CTNNA3: variants seen among roughly 807,000 people sequenced by gnomAD.
CTNNA3 encodes the protein catenin alpha 3, also known as catenin alpha-3.
In CTNNA3, 76 loss-of-function variants were observed where a neutral mutation model predicts 95.7. That is an observed-to-expected ratio of 0.79 (90% CI 0.66 to 0.96). CTNNA3 has a LOEUF of 0.96. CTNNA3 is among the 40% of genes least tolerant of loss of function. The pLI is 0.00. For synonymous variants in CTNNA3, 431 were observed against 374.4 expected (o/e 1.15, Z -1.74); for missense variants, 1,191 against 1,089.8 (o/e 1.09, Z -1.31).
intron 9 of CTNNA3, 137 bp from the exon 10 acceptor site, chr10:66,621,921 T>C (rs1341735576): frequency 1.9e-6 from 1 of 522,776 alleles, no homozygotes. Context: ...ATCACTGGTA[T>C]CTATTTTATG....
chr10:66,085,603 G>C (rs2080952558), intron 14 of CTNNA3, among the ~76,000 whole-genome samples: 1 of 152,042 alleles, frequency 6.6e-6, no homozygotes, highest in African/African-American at 2.4e-5. Flanking sequence ...TCACCAGAGA[G>C]TCACAATGTT....
intron 5 of CTNNA3, among the ~76,000 whole-genome samples, chr10:67,256,247 T>G (rs1866344774): frequency 6.6e-6 from 1 of 152,190 alleles, no homozygotes; most frequent in Non-Finnish European, 1.5e-5. Flanking sequence ...TTTTTCTAAC[T>G]GCATTGATTG....
At chr10:67,517,439 T>A (rs1483359014) in intron 5 of CTNNA3, among the ~76,000 whole-genome samples, 1 of 152,156 alleles carries the variant, frequency 6.6e-6, no homozygotes, top group African/African-American at 2.4e-5. Flanking sequence ...AATTCAATTT[T>A]TATCCTACAA....
Position 67,744,863 on chromosome 10 carries a change from T to G in CTNNA3, c.-2+18571A>C, listed in dbSNP as rs188081460. Reference sequence around the variant, plus strand: ...CGAAGGATATGAACATGAACAGACATTTCTCAAAAGAAGACATTTATGCAG... The same window carrying G: ...CGAAGGATATGAACATGAACAGACAGTTCTCAAAAGAAGACATTTATGCAG... On this transcript the variant is annotated intron_variant, in intron 1 of 17. Coordinates refer to the CTNNA3 transcript ENST00000684154. Among the ~76,000 whole-genome samples the G allele has an allele frequency of 2.1e-3, 314 of 152,030 alleles. 1 individual carries two copies. Among genetic ancestry groups the G allele is most frequent in the African/African-American group, 7.3e-3 (301 of 41,506 alleles).
chr10:66,537,914 T>C (rs549361541), intron 10 of CTNNA3, among the ~76,000 whole-genome samples: 1 of 152,252 alleles, frequency 6.6e-6, no homozygotes, highest in African/African-American at 2.4e-5. Flanking sequence ...TTAAGAACTT[T>C]TACTATATTG....
chr10:66,003,310 C>CGGTGGTGGT (rs1003593936), intron 15 of CTNNA3, among the ~76,000 whole-genome samples: 1 of 148,044 alleles, frequency 6.8e-6, no homozygotes, highest in African/African-American at 2.5e-5. Context: ...CTGCTGGTGG[C>CGGTGGTGGT]GGTGGTGGTG....
At chr10:67,574,340 C>T (rs1302511912) in intron 3 of CTNNA3, among the ~76,000 whole-genome samples, 1 of 152,072 alleles carries the variant, frequency 6.6e-6, no homozygotes, top group Admixed American at 6.6e-5. Flanking sequence ...TGTTCCCCTA[C>T]CTCTGTGTCC....
In CTNNA3 at chr10:66,119,421, T is replaced by C. The variant is rs1030499166; in HGVS notation, c.1885-16172A>G. On this transcript the variant is annotated intron_variant, in intron 13 of 17. Coordinates refer to ENST00000433211, the MANE Select transcript of CTNNA3 (RefSeq NM_013266.4). ...CTGTTCCTATTACTCTCTCTCACTCTAATGTTTACAAATTGTTATAGCTTA... is the reference window on the plus strand; with the variant it reads ...CTGTTCCTATTACTCTCTCTCACTCCAATGTTTACAAATTGTTATAGCTTA... Among the ~76,000 whole-genome samples the C allele has an allele frequency of 1.8e-4, 28 of 152,194 alleles. 1 individual carries two copies. Among genetic ancestry groups the C allele is most frequent in the Non-Finnish European group, 2.9e-5 (2 of 68,004 alleles).
At chr10:66,722,091 G>A (rs980628915) in intron 9 of CTNNA3, among the ~76,000 whole-genome samples, 1 of 152,094 alleles carries the variant, frequency 6.6e-6, no homozygotes, top group Non-Finnish European at 1.5e-5. Context: ...CAATTAAAAT[G>A]CTAAAGGCCG....
chr10:66,189,775 T>C (rs894868181), intron 13 of CTNNA3, among the ~76,000 whole-genome samples: 1 of 151,770 alleles, frequency 6.6e-6, no homozygotes, highest in African/African-American at 2.4e-5. Flanking sequence ...ACCTTTATTT[T>C]CCGTATGAAT....
intron 6 of CTNNA3, among the ~76,000 whole-genome samples, chr10:67,212,173 T>C (rs551733024): frequency 2.9e-4 from 44 of 152,100 alleles, no homozygotes; most frequent in Admixed American, 2.9e-3. Context: ...CATAAGAGAA[T>C]GTATGAATAA....
intron 7 of CTNNA3, among the ~76,000 whole-genome samples, chr10:66,858,781 T>G (rs563873983): frequency 6.6e-6 from 1 of 152,072 alleles, no homozygotes; most frequent in South Asian, 2.1e-4. Flanking sequence ...CCTCTCTTTT[T>G]TCTTTATTAG....
At chr10:66,626,447 T>C (rs1442675863) in intron 9 of CTNNA3, among the ~76,000 whole-genome samples, 1 of 152,214 alleles carries the variant, frequency 6.6e-6, no homozygotes, top group Admixed American at 6.5e-5. Flanking sequence ...CTCATTTTCA[T>C]GCATTTTCCC....
At chr10:67,203,157 C>G (rs920208716) in intron 6 of CTNNA3, among the ~76,000 whole-genome samples, 22 of 152,158 alleles carry the variant, frequency 1.4e-4, no homozygotes, top group Non-Finnish European at 5.9e-5. Flanking sequence ...ACCCAAATCT[C>G]ACCTTGAATT....
At chr10:67,323,039 A>G (rs1290397169) in intron 5 of CTNNA3, among the ~76,000 whole-genome samples, 1 of 152,052 alleles carries the variant, frequency 6.6e-6, no homozygotes, top group Non-Finnish European at 1.5e-5. Flanking sequence ...ATGTCTGTTC[A>G]TGTCATTTGC....
In CTNNA3 at chr10:67,077,919, G is replaced by T. The variant is rs187548731; in HGVS notation, c.1047+102398C>A. On this transcript the variant is annotated intron_variant, in intron 7 of 17. Transcript: ENST00000433211. ...CTAGATTAACAGAGGAGGAAGGGAA[G>T]GGGACAGAGAGAGAATATAAGTGAT... 1.4e-3 allele frequency among the ~76,000 whole-genome samples: 215 copies of T among 152,240 alleles called. 1 individual carries two copies. Among genetic ancestry groups the T allele is most frequent in the African/African-American group, 5.1e-3 (210 of 41,540 alleles).
intron 1 of CTNNA3, among the ~76,000 whole-genome samples, chr10:67,743,665 G>C: frequency 6.6e-6 from 1 of 151,222 alleles, no homozygotes. Flanking sequence ...AATCAGGCAG[G>C]AGAAAGAAAT....
intron 9 of CTNNA3, among the ~76,000 whole-genome samples, chr10:66,759,500 C>A (rs1302236576): frequency 1.3e-5 from 2 of 152,186 alleles, no homozygotes; most frequent in Admixed American, 6.6e-5. Flanking sequence ...ATTCATTCAA[C>A]ATTTATTGAA....
intron 5 of CTNNA3, among the ~76,000 whole-genome samples, chr10:67,511,805 G>T (rs1839640427): frequency 6.6e-6 from 1 of 152,270 alleles, no homozygotes; most frequent in Admixed American, 6.5e-5. Context: ...GTAGAATTCG[G>T]CTGTGAATGT....
Sources: gnomAD v4.1 joint callset for allele counts (sites outside exome capture counted in the v4.1 genomes callset) on GRCh38, gnomAD v4.1.1 for gene constraint, MANE v1.5 for transcripts, NCBI Gene and HGNC (gene_info 2026-07-23, HGNC 2026-07-21) for gene names.